SYMPK: variants seen among roughly 807,000 people sequenced by gnomAD.
SYMPK encodes the protein symplekin scaffold protein.
Under a neutral mutation model 136.4 loss-of-function variants are expected in SYMPK, and 49 were observed. The observed-to-expected ratio is 0.36, with a 90% CI of 0.29 to 0.46. SYMPK has a LOEUF of 0.46. Ranked by LOEUF, SYMPK falls within the 20% of genes least tolerant of loss-of-function variation. The pLI is 1.00. For missense variants in SYMPK, 1,365 were observed against 1,690.0 expected (o/e 0.81, Z 3.37); for synonymous variants, 766 against 713.0 (o/e 1.07, Z -1.19).
rs200272773 is a variant in SYMPK, at chr19:45,826,336, T to C, written c.2219A>G (p.Tyr740Cys). 1.2e-6 allele frequency: 2 copies of C among 1,614,118 alleles called. No individual in the cohort carries two copies. The highest frequency in any genetic ancestry group is 2.2e-5 in the East Asian group (1 of 44,892). The change falls in exon 17 of 27, where the codon TAT (tyrosine) becomes TGT (cysteine). Residue 740 changes from tyrosine (Y) to cysteine (C), a missense_variant. Tyr to Cys is a radical substitution (Grantham distance 194). Coordinates refer to ENST00000245934, the MANE Select transcript of SYMPK (RefSeq NM_004819.3). ...SQALLFIKRM[Y>C]EKEQLREYVE... is the part of the protein sequence containing the mutation. ...ATACTCCCGCAGCTGCTCCTTCTCA[T>C]ACATGCGTTTGATGAACAGCAGGGC...
intron 16 of SYMPK, among the ~76,000 whole-genome samples, chr19:45,826,900 C>A (rs1296879518): frequency 6.6e-6 from 1 of 152,226 alleles, no homozygotes; most frequent in African/African-American, 2.4e-5. Context: ...AACGATGGGT[C>A]AAGGGCGCTC....
chr19:45,817,415 C>CTTTTTTTTTTTTTT (rs1568605953), intron 23 of SYMPK, among the ~76,000 whole-genome samples: 8 of 100,192 alleles, frequency 8.0e-5, no homozygotes, highest in African/African-American at 3.1e-4. Context: ...TTTTTTTGTT[C>CTTTTTTTTTTTTTT]TCTTTTTTTT....
At chr19:45,840,367 A>G (rs1971406779) in intron 9 of SYMPK, among the ~76,000 whole-genome samples, 1 of 151,264 alleles carries the variant, frequency 6.6e-6, no homozygotes, top group South Asian at 2.1e-4. Context: ...ATATAACTTT[A>G]AATATACAAA....
chr19:45,847,694 T>C, intron 7 of SYMPK, 58 bp downstream of exon 7: 1 of 1,562,996 alleles, frequency 6.4e-7, no homozygotes, highest in East Asian at 2.3e-5. Flanking sequence ...GGGAGGGGCG[T>C]GAAGGAGAGG....
At chr19:45,826,400 G>C in intron 16 of SYMPK, 27 bp from the exon 17 acceptor site, 1 of 1,612,098 alleles carries the variant, frequency 6.2e-7, no homozygotes, top group Admixed American at 1.7e-5. Context: ...AGAAGGGCAG[G>C]GTCAGGGAAG....
chr19:45,860,333 A>G (rs902861969), intron 1 of SYMPK, among the ~76,000 whole-genome samples: 2 of 151,772 alleles, frequency 1.3e-5, no homozygotes, highest in African/African-American at 4.8e-5. Flanking sequence ...TGGCAGGCAC[A>G]TGTAATCCTA....
chr19:45,840,697 G>A (rs897496967), intron 9 of SYMPK, among the ~76,000 whole-genome samples: 1 of 151,256 alleles, frequency 6.6e-6, no homozygotes, highest in Non-Finnish European at 1.5e-5. Flanking sequence ...ACAAAAATTA[G>A]CCCGGTGTGG....
intron 1 of SYMPK, among the ~76,000 whole-genome samples, chr19:45,856,251 A>T (rs755908930): frequency 1.1e-4 from 16 of 151,932 alleles, no homozygotes; most frequent in Non-Finnish European, 1.8e-4. Context: ...GAGGCAGAAG[A>T]ATCGCTTGAA....
At chr19:45,827,764 T>C (rs1247180883) in intron 15 of SYMPK, 73 bp downstream of exon 15, 2 of 1,537,774 alleles carry the variant, frequency 1.3e-6, no homozygotes, top group African/African-American at 2.7e-5. Flanking sequence ...GTTTAGACTG[T>C]GTGCCCTTCA....
At chr19:45,827,008 C>T (rs1252272415) in intron 16 of SYMPK, among the ~76,000 whole-genome samples, 1 of 152,200 alleles carries the variant, frequency 6.6e-6, no homozygotes, top group Non-Finnish European at 1.5e-5. Context: ...TTGAAAGAAG[C>T]CTTCCTTGAA....
At chr19:45,844,907 G>T (rs1029482907) in intron 7 of SYMPK, among the ~76,000 whole-genome samples, 9 of 152,040 alleles carry the variant, frequency 5.9e-5, no homozygotes, top group African/African-American at 2.2e-4. Flanking sequence ...ATTTTAATGG[G>T]TATATAGTAG....
At chr19:45,848,998 C>A in intron 5 of SYMPK, 122 bp from the exon 6 acceptor site, 1 of 1,209,896 alleles carries the variant, frequency 8.3e-7, no homozygotes, top group East Asian at 2.4e-5. Flanking sequence ...ATGGCACATC[C>A]AGAAGCTGGG....
chr19:45,817,364 C>A (rs541345726), intron 23 of SYMPK, among the ~76,000 whole-genome samples: 2 of 151,746 alleles, frequency 1.3e-5, no homozygotes, highest in East Asian at 3.9e-4. Context: ...TACATTCTCA[C>A]CGCAGCCTCC....
chr19:45,826,601 T>C (rs909817337), intron 16 of SYMPK, among the ~76,000 whole-genome samples: 2 of 152,086 alleles, frequency 1.3e-5, no homozygotes, highest in African/African-American at 2.4e-5. Flanking sequence ...CATCTGCCCA[T>C]CACTGCTTCT....
intron 1 of SYMPK, 150 bp from the exon 2 acceptor site, chr19:45,854,657 C>T: frequency 1.6e-6 from 1 of 642,668 alleles, no homozygotes; most frequent in Non-Finnish European, 2.8e-6. Flanking sequence ...CTCTCCCCTC[C>T]AGGGTCTGTC....
Position 45,815,945 on chromosome 19 carries a change from C to T in SYMPK, c.3593G>A (p.Cys1198Tyr), listed in dbSNP as rs768778382. The change falls in exon 26 of 27, where the codon TGC becomes TAC. Residue 1198 changes from cysteine to tyrosine, a missense_variant. By Grantham distance (194) the Cys-to-Tyr change is radical (BLOSUM62 -2). Transcript: ENST00000245934. ...AMDFREEGPE[C>Y]ETPGIFISMD... ...GCTGATGAAGATGCCCGGGGTCTCGCACTCAGGCCCCTCCTCCCGGAAATC... is the reference window on the plus strand; with the variant it reads ...GCTGATGAAGATGCCCGGGGTCTCGTACTCAGGCCCCTCCTCCCGGAAATC... The T allele has an allele frequency of 6.2e-7, 1 of 1,611,542 alleles. No individual in the cohort carries two copies. The highest frequency in any genetic ancestry group is 1.1e-5 in the South Asian group (1 of 90,672).
chr19:45,826,181 C>T (rs770297012), intron 17 of SYMPK, 45 bp downstream of exon 17: 27 of 1,574,210 alleles, frequency 1.7e-5, no homozygotes, highest in East Asian at 9.3e-5. Context: ...GCCCAGAGCG[C>T]GGACACAGCA....
Position 45,821,191 on chromosome 19 carries a change from AG to A in SYMPK, c.2893+192del. The A allele has an allele frequency of 4.1e-6, 1 of 246,232 alleles. No individual in the cohort carries two copies. Among genetic ancestry groups the A allele is most frequent in the South Asian group, 2.3e-5 (1 of 43,278 alleles). The allele number at this position is 246,232 out of a possible 1,614,324, so 15.3% of individuals were successfully genotyped here. On this transcript the variant is annotated intron_variant, in intron 22 of 26. Transcript: ENST00000245934. The surrounding 1 kb of genome is among the most constrained non-coding windows in gnomAD (Gnocchi z 4.4). ...TAAAACCTGGGAGGAAGGAAGGAGG[AG>A]GGAGGGAGGGAGGGAGGGAAGAGGA...
At chr19:45,823,545 G>C in intron 19 of SYMPK, 73 bp from the exon 20 acceptor site, 3 of 1,428,838 alleles carry the variant, frequency 2.1e-6, no homozygotes, top group South Asian at 1.2e-5. Flanking sequence ...ACCCAGGAAA[G>C]AGAAGCAGGC....
Sources: allele counts gnomAD v4.1 joint callset (sites outside exome capture counted in the v4.1 genomes callset), GRCh38; gene constraint gnomAD v4.1.1; non-coding constraint Gnocchi (gnomAD v3.1); transcripts MANE v1.5; gene names NCBI Gene and HGNC (gene_info 2026-07-23, HGNC 2026-07-21).